The following SCMH1 variants were observed in gnomAD, a reference collection of about 807,000 sequenced individuals.
SCMH1 encodes the protein polycomb protein SCMH1.
In SCMH1, 37 loss-of-function variants were observed where a neutral mutation model predicts 70.8. The observed-to-expected ratio is 0.52, with a 90% CI of 0.40 to 0.69. The LOEUF (loss-of-function observed/expected upper bound fraction) is 0.69. Ranked by LOEUF, SCMH1 falls within the 30% of genes least tolerant of loss-of-function variation. The pLI, the probability that SCMH1 is intolerant of heterozygous loss-of-function variation, is 0.00. For missense variants in SCMH1, 607 were observed against 827.3 expected, an observed-to-expected ratio of 0.73 and a Z score of 3.27; for synonymous variants, 292 against 307.4, an observed-to-expected ratio of 0.95 and a Z score of 0.52.
Position 41,075,524 on chromosome 1 carries a change from A to T in SCMH1, c.746-73T>A, listed in dbSNP as rs966602119. 16 of 1,275,802 alleles carry T rather than the reference A, an allele frequency of 1.3e-5. No homozygotes were observed. The Admixed American group carries it at 2.7e-4, about 22-fold the overall frequency. The allele number at this position is 1,275,802 out of a possible 1,614,324, so 79.0% of individuals were successfully genotyped here. A position where few individuals can be genotyped will look rare whatever the true frequency, so the allele number is the denominator to read the frequency against. On this transcript the variant is annotated intron_variant, in intron 8 of 14. Coordinates refer to ENST00000337495, the Ensembl canonical transcript of SCMH1. ...TCATCCCAGCCAGAAGAAAAAAAGGACTTGCCACTTCTGCTCAGGTAGTTT... is the reference window on the plus strand; with the variant it reads ...TCATCCCAGCCAGAAGAAAAAAAGGTCTTGCCACTTCTGCTCAGGTAGTTT...
intron 1 of SCMH1, among the ~76,000 whole-genome samples, chr1:41,219,995 C>T (rs1280757604): frequency 4.0e-5 from 6 of 151,658 alleles, no homozygotes; most frequent in South Asian, 2.1e-4. Flanking sequence ...CTTTGACTTT[C>T]ATATAACCAC....
At chr1:41,078,345 G>A (rs1325628642) in intron 8 of SCMH1, among the ~76,000 whole-genome samples, 10 of 152,010 alleles carry the variant, frequency 6.6e-5, no homozygotes, top group Admixed American at 2.0e-4. Flanking sequence ...AGGTAACAGC[G>A]GAGACTTAAT....
intron 8 of SCMH1, among the ~76,000 whole-genome samples, chr1:41,081,629 C>T (rs1660050594): frequency 6.6e-6 from 1 of 152,100 alleles, no homozygotes. Context: ...ACCAGCCTTG[C>T]AACATAGCAT....
intron 1 of SCMH1, among the ~76,000 whole-genome samples, chr1:41,214,967 C>G (rs1573131971): frequency 6.6e-6 from 1 of 152,270 alleles, no homozygotes; most frequent in East Asian, 1.9e-4. Context: ...TTACCTAAAA[C>G]TCGAGAAAAA....
chr1:41,078,380 C>T (rs1332184528), intron 8 of SCMH1, among the ~76,000 whole-genome samples: 1 of 151,994 alleles, frequency 6.6e-6, no homozygotes, highest in African/African-American at 2.4e-5. Context: ...AGACATCAAC[C>T]CACAGATTCA....
intron 6 of SCMH1, 57 bp from the exon 7 acceptor site, chr1:41,117,067 T>C (rs369223421): frequency 2.0e-6 from 3 of 1,511,998 alleles, no homozygotes; most frequent in African/African-American, 2.7e-5. Context: ...TGAATGGTGA[T>C]GTGGGTGGCA....
At chr1:41,027,913 G>A (rs894369923) in exon 15 of SCMH1, 3 of 419,952 alleles carry the variant, frequency 7.1e-6, no homozygotes, top group Non-Finnish European at 8.6e-6. Flanking sequence ...CTCCTGGTGA[G>A]AGGCCAGCCA....
chr1:41,187,355 G>A (rs947012207), intron 1 of SCMH1, among the ~76,000 whole-genome samples: 25 of 151,120 alleles, frequency 1.7e-4, no homozygotes, highest in African/African-American at 5.6e-4. Context: ...CCGGCTACTC[G>A]AGAGGCTGAG....
chr1:41,160,226 A>C (rs1168277865), intron 4 of SCMH1, among the ~76,000 whole-genome samples: 2 of 152,242 alleles, frequency 1.3e-5, no homozygotes, highest in Non-Finnish European at 2.9e-5. Flanking sequence ...AAATTGATAC[A>C]GGTATCTGGA....
chr1:41,050,822 C>T lies in SCMH1; in HGVS notation c.1106-1932G>A, dbSNP rs377736077. ...CATAATTTGCAAAAGGCCTAATAAT[C>T]GGCAGAGTTGGTGCCTCTGGAGGTG... is the stretch of plus-strand genomic sequence containing the variant. On this transcript the variant is annotated intron_variant, in intron 10 of 14. Transcript: ENST00000337495. Among the ~76,000 whole-genome samples, 435 of 152,150 alleles carry T rather than the reference C, an allele frequency of 2.9e-3. 1 individual carries two copies. Among genetic ancestry groups the T allele is most frequent in the African/African-American group, 7.9e-3 (326 of 41,504 alleles).
chr1:41,054,460 CT>C (rs1649482510), intron 10 of SCMH1, among the ~76,000 whole-genome samples: 1 of 152,116 alleles, frequency 6.6e-6, no homozygotes, highest in Non-Finnish European at 1.5e-5. Context: ...TATTTCCAGT[CT>C]CTCCATAAGG....
At position 41,027,473 on chromosome 1, in the gene SCMH1, G is replaced by C. The variant is rs41312034; in HGVS notation, c.*721C>G. 989 of 152,438 alleles carry C rather than the reference G, an allele frequency of 6.5e-3. 6 individuals carry two copies. The highest frequency in any genetic ancestry group is 0.011 in the Non-Finnish European group (736 of 68,122). The allele number at this position is 152,438 out of a possible 1,614,324, so 9.4% of individuals were successfully genotyped here. On this transcript the variant is annotated 3_prime_UTR_variant, in exon 15 of 15. Transcript: ENST00000337495. ...ACTCCCTTCCCACAGATGAGGCCTA[G>C]GGCTGCAAAAGGGCCCCGTGAAGAG...
chr1:41,059,113 A>C (rs1443136181), intron 10 of SCMH1, among the ~76,000 whole-genome samples: 1 of 152,176 alleles, frequency 6.6e-6, no homozygotes, highest in African/African-American at 2.4e-5. Flanking sequence ...ATTCACCTGG[A>C]AGATGGTGTT....
At chr1:41,080,569 TATATC>T (rs1348076786) in intron 8 of SCMH1, among the ~76,000 whole-genome samples, 4 of 152,134 alleles carry the variant, frequency 2.6e-5, no homozygotes, top group African/African-American at 9.7e-5. Context: ...TGCAGGATAA[TATATC>T]ATAACTAAGT....
intron 4 of SCMH1, among the ~76,000 whole-genome samples, chr1:41,152,976 T>C (rs1164715747): frequency 1.3e-5 from 2 of 152,230 alleles, no homozygotes; most frequent in Non-Finnish European, 2.9e-5. Context: ...GCAAATGAGA[T>C]GACTATTTTC....
At chr1:41,075,197 G>C in intron 9 of SCMH1, 22 bp downstream of exon 9, 2 of 1,610,614 alleles carry the variant, frequency 1.2e-6, no homozygotes, top group Non-Finnish European at 1.7e-6. Flanking sequence ...ATTCCTTTCT[G>C]GGAAACCCAC....
chr1:41,092,524 G>A (rs561024232), intron 8 of SCMH1, among the ~76,000 whole-genome samples: 7 of 152,258 alleles, frequency 4.6e-5, no homozygotes, highest in Admixed American at 1.3e-4. Context: ...TTGACAAATG[G>A]GATCTAATTA....
At chr1:41,226,577 C>T (rs777387050) in intron 1 of SCMH1, among the ~76,000 whole-genome samples, 15 of 151,932 alleles carry the variant, frequency 9.9e-5, no homozygotes, top group Non-Finnish European at 1.8e-4. Flanking sequence ...CCATCAAGGT[C>T]CAGACCTAAA....
rs576439667 is a variant in SCMH1, at chr1:41,217,857, T to G, written c.-118+24202A>C. 3.3e-5 allele frequency among the ~76,000 whole-genome samples: 5 copies of G among 152,334 alleles called. No individual in the cohort carries two copies. In the East Asian group the frequency reaches 9.6e-4, roughly 29 times the overall value. On this transcript the variant is annotated intron_variant, in intron 1 of 14. Transcript: ENST00000337495. The stretch of plus-strand genomic sequence containing the variant: ...ATTATTCTCAGGCTCTGAAATCTAA[T>G]GCAGTTTTCCCTGCTGGGTTGTGAA...
Sources: gnomAD v4.1 joint callset for allele counts (sites outside exome capture counted in the v4.1 genomes callset) on GRCh38, gnomAD v4.1.1 for gene constraint, MANE v1.5 for transcripts, NCBI Gene and HGNC (gene_info 2026-07-23, HGNC 2026-07-21) for gene names.